Variants in RIC8B observed in about 807,000 individuals in gnomAD.
The protein encoded by RIC8B is RIC8 guanine nucleotide exchange factor B, also known as chaperone Ric-8B.
RIC8B carries 16 observed loss-of-function variants against 57.5 expected under a neutral mutation model. That is an observed-to-expected ratio of 0.28 (90% CI 0.19 to 0.42). The LOEUF (loss-of-function observed/expected upper bound fraction) is 0.42. RIC8B is among the 10% of genes least tolerant of loss of function. The pLI is 1.00. For missense variants in RIC8B, 481 were observed against 677.0 expected, an observed-to-expected ratio of 0.71 and a Z score of 3.21; for synonymous variants, 216 against 250.8, an observed-to-expected ratio of 0.86 and a Z score of 1.31.
intron 7 of RIC8B, among the ~76,000 whole-genome samples, chr12:106,858,237 CATTT>C (rs1463390741): frequency 3.3e-5 from 5 of 151,972 alleles, no homozygotes; most frequent in Admixed American, 6.6e-5. Flanking sequence ...TTCATTTAAA[CATTT>C]ATTCATATCT....
chr12:106,850,397 A>T (rs1235556340), intron 6 of RIC8B, among the ~76,000 whole-genome samples: 2 of 152,252 alleles, frequency 1.3e-5, no homozygotes, highest in East Asian at 3.8e-4. Flanking sequence ...TTAACAAAAC[A>T]GGAATAGAAA....
chr12:106,878,581 AGGAATTAAATATGAAAT>A (rs749298047), intron 9 of RIC8B, among the ~76,000 whole-genome samples: 9 of 152,194 alleles, frequency 5.9e-5, no homozygotes, highest in Non-Finnish European at 1.0e-4. Context: ...AAATGTGAAA[AGGAATTAAATATGAAAT>A]GGCTAATTTA....
intron 1 of RIC8B, among the ~76,000 whole-genome samples, chr12:106,781,183 C>A (rs1475052365): frequency 6.6e-6 from 1 of 152,124 alleles, no homozygotes; most frequent in Non-Finnish European, 1.5e-5. Flanking sequence ...CTCCTGGTCT[C>A]AAGCCATCTG....
intron 6 of RIC8B, among the ~76,000 whole-genome samples, chr12:106,851,241 A>G (rs1416153578): frequency 6.6e-6 from 1 of 152,084 alleles, no homozygotes; most frequent in Non-Finnish European, 1.5e-5. Context: ...GTTTCTGTTC[A>G]AATGAAACCT....
chr12:106,828,793 A>T lies in RIC8B; in HGVS notation c.836+2973A>T, dbSNP rs182957974. Among the ~76,000 whole-genome samples the T allele has an allele frequency of 6.4e-3, 968 of 152,288 alleles. 6 individuals are homozygous for T. The highest frequency in any genetic ancestry group is 0.011 in the Admixed American group (170 of 15,302). On this transcript the variant is annotated intron_variant, in intron 4 of 9. Coordinates refer to ENST00000392837, the MANE Select transcript of RIC8B (RefSeq NM_001330145.2). ...ATTTAGTTATTTTAAATCTTTTTTT[A>T]AAAGTTGTTTGTTGATTTTGATACG...
intron 7 of RIC8B, among the ~76,000 whole-genome samples, chr12:106,855,807 C>T (rs1223509059): frequency 6.6e-6 from 1 of 152,078 alleles, no homozygotes; most frequent in African/African-American, 2.4e-5. Context: ...GCGTAGATTC[C>T]CAAATCTATG....
intron 2 of RIC8B, among the ~76,000 whole-genome samples, chr12:106,797,427 A>C (rs960874116): frequency 5.9e-5 from 9 of 152,232 alleles, no homozygotes; most frequent in Non-Finnish European, 8.8e-5. Flanking sequence ...GATTTTATTA[A>C]CTTAAAATTT....
At chr12:106,791,178 A>G (rs1402758455) in intron 2 of RIC8B, among the ~76,000 whole-genome samples, 4 of 152,234 alleles carry the variant, frequency 2.6e-5, no homozygotes, top group Admixed American at 1.3e-4. Flanking sequence ...AAAAGTATGC[A>G]TACAGTATGA....
rs1390923251 is a variant in RIC8B, at chr12:106,797,942, T to G, written c.132+13898T>G. The G allele has an allele frequency of 4.5e-6, 3 of 669,810 alleles. No homozygotes were observed. In the East Asian group the frequency reaches 8.3e-5, roughly 19 times the overall value. The allele number at this position is 669,810 out of a possible 1,614,324, so 41.5% of individuals were successfully genotyped here. A position where few individuals can be genotyped will look rare whatever the true frequency, so the allele number is the denominator to read the frequency against. ...ATAATTGGATTGACCTGTTGTGTAGTTTATGAATCGATTCTATTTATTTCC... is the reference window on the plus strand; with the variant it reads ...ATAATTGGATTGACCTGTTGTGTAGGTTATGAATCGATTCTATTTATTTCC... On this transcript the variant is annotated intron_variant, in intron 2 of 9. Transcript: ENST00000392837.
chr12:106,870,811 T>C lies in RIC8B; in HGVS notation c.1452-12T>C. The C allele has an allele frequency of 6.7e-7, 1 of 1,495,434 alleles. No individual in the cohort carries two copies. The highest frequency in any genetic ancestry group is 8.9e-7 in the Non-Finnish European group (1 of 1,121,690). The allele number at this position is 1,495,434 out of a possible 1,614,324, so 92.6% of individuals were successfully genotyped here. A position where few individuals can be genotyped will look rare whatever the true frequency, so the allele number is the denominator to read the frequency against. ...TTAAAACATACAGCATAACTTTTTT[T>C]TCTTTTTGTAGCATTAATCTTATCA... is the stretch of plus-strand genomic sequence containing the variant. On this transcript the variant is annotated splice_polypyrimidine_tract_variant and intron_variant, in intron 8 of 9. Coordinates refer to ENST00000392837, the MANE Select transcript of RIC8B (RefSeq NM_001330145.2).
At chr12:106,785,320 T>C (rs757570691) in intron 2 of RIC8B, among the ~76,000 whole-genome samples, 1 of 152,200 alleles carries the variant, frequency 6.6e-6, no homozygotes, top group Non-Finnish European at 1.5e-5. Context: ...ACACCTCTTC[T>C]TTTTCTCACC....
intron 8 of RIC8B, among the ~76,000 whole-genome samples, chr12:106,865,482 T>A (rs913732626): frequency 3.9e-5 from 6 of 152,202 alleles, no homozygotes; most frequent in Non-Finnish European, 8.8e-5. Flanking sequence ...AAAATGTATC[T>A]GTGTATACCC....
intron 2 of RIC8B, among the ~76,000 whole-genome samples, chr12:106,802,902 A>G (rs1450366179): frequency 6.6e-6 from 1 of 152,014 alleles, no homozygotes; most frequent in African/African-American, 2.4e-5. Flanking sequence ...AAAGTAAGGA[A>G]ATATCAGTTT....
In RIC8B at chr12:106,879,598, C is replaced by T; in HGVS notation, c.1572-6306C>T. On this transcript the variant is annotated intron_variant, in intron 9 of 9. Coordinates refer to ENST00000392837, the MANE Select transcript of RIC8B (RefSeq NM_001330145.2). The surrounding 1 kb of genome is among the most constrained non-coding windows in gnomAD (Gnocchi z 4.9). ...AATTCCGTATCTCCCATCCCTAGCT[C>T]TTTAAGAAATTATTTTTTTGGTTTC... 1.0e-6 allele frequency: 1 copy of T among 985,210 alleles called. No individual in the cohort carries two copies. The highest frequency in any genetic ancestry group is 4.7e-5 in the South Asian group (1 of 21,292). The allele number at this position is 985,210 out of a possible 1,614,324, so 61.0% of individuals were successfully genotyped here. A position where few individuals can be genotyped will look rare whatever the true frequency, so the allele number is the denominator to read the frequency against.
At chr12:106,877,915 T>C (rs930199459) in intron 9 of RIC8B, among the ~76,000 whole-genome samples, 8 of 152,264 alleles carry the variant, frequency 5.3e-5, no homozygotes, top group South Asian at 4.1e-4. Context: ...AGCCAAACAA[T>C]TGGACATCCC....
chr12:106,845,384 T>C (rs544266233), intron 6 of RIC8B, among the ~76,000 whole-genome samples: 1 of 152,340 alleles, frequency 6.6e-6, no homozygotes, highest in Admixed American at 6.5e-5. Context: ...TTCTTGACTT[T>C]GTTTCCTGTT....
At chr12:106,819,143 A>C (rs905386412) in intron 3 of RIC8B, among the ~76,000 whole-genome samples, 3 of 152,202 alleles carry the variant, frequency 2.0e-5, no homozygotes, top group African/African-American at 7.2e-5. Flanking sequence ...AAATGCAGTC[A>C]TTTAATAATC....
chr12:106,829,072 C>G (rs11113125), intron 4 of RIC8B, among the ~76,000 whole-genome samples: 2 of 152,164 alleles, frequency 1.3e-5, no homozygotes, highest in Admixed American at 6.5e-5. Context: ...TGAGTTAGCT[C>G]GTAAAGACAG....
chr12:106,800,015 A>G (rs1440594675), intron 2 of RIC8B, among the ~76,000 whole-genome samples: 1 of 152,094 alleles, frequency 6.6e-6, no homozygotes, highest in African/African-American at 2.4e-5. Context: ...AGCAGCTGCC[A>G]TGTCACTGTG....
Sources: allele counts gnomAD v4.1 joint callset (sites outside exome capture counted in the v4.1 genomes callset), GRCh38; gene constraint gnomAD v4.1.1; non-coding constraint Gnocchi (gnomAD v3.1); transcripts MANE v1.5; gene names NCBI Gene and HGNC (gene_info 2026-07-23, HGNC 2026-07-21).